The following DYNC2H1 variants were observed in gnomAD, a reference collection of about 807,000 sequenced individuals.
DYNC2H1 encodes the protein dynein cytoplasmic 2 heavy chain 1, also known as cytoplasmic dynein 2 heavy chain 1.
A neutral mutation model predicts 570.0 loss-of-function variants in DYNC2H1; 410 were observed. The observed-to-expected ratio is 0.72, with a 90% CI of 0.66 to 0.78. DYNC2H1 has a LOEUF of 0.78. DYNC2H1 is among the 30% of genes least tolerant of loss of function. The probability of loss-of-function intolerance (pLI) is 0.00; values close to 1 mark genes in which losing one functional copy is unlikely to be tolerated. For missense variants in DYNC2H1, 4,865 were observed against 5,046.4 expected (o/e 0.96, Z 1.09); for synonymous variants, 1,688 against 1,677.6 (o/e 1.01, Z -0.15).
At chr11:103,294,654 C>A (rs1474779721) in intron 75 of DYNC2H1, among the ~76,000 whole-genome samples, 1 of 152,186 alleles carries the variant, frequency 6.6e-6, no homozygotes, top group Non-Finnish European at 1.5e-5. Flanking sequence ...GCAGCTGGCA[C>A]CATGCTGAGT....
intron 75 of DYNC2H1, among the ~76,000 whole-genome samples, chr11:103,300,341 G>C (rs1398297301): frequency 3.9e-5 from 6 of 152,004 alleles, no homozygotes; most frequent in African/African-American, 1.4e-4. Flanking sequence ...AGAATATAAA[G>C]TTCCAGTGAT....
In DYNC2H1 at chr11:103,371,927, G is replaced by GTTTTTTTTTT. The variant is rs60335910; in HGVS notation, c.12156+13584_12156+13593dup. On this transcript the variant is annotated intron_variant, in intron 83 of 88. Transcript: ENST00000375735. ...TTTGGTTTCTTCCTTTCCCATTTGG[G>GTTTTTTTTTT]TTTTTTTTTTTTTTTTTTTTTTTTT... Among the ~76,000 whole-genome samples, 36 of 67,894 alleles carry GTTTTTTTTTT rather than the reference G, an allele frequency of 5.3e-4. 1 individual carries two copies. The highest frequency in any genetic ancestry group is 1.5e-3 in the East Asian group (3 of 2,018). 44.5% of individuals were successfully genotyped at this position (67,894 alleles called of 152,430 possible).
Position 103,203,673 on chromosome 11 carries a change from TG to T in DYNC2H1, c.8210del (p.Gly2737AspfsTer8). The T allele has an allele frequency of 6.2e-7, 1 of 1,602,390 alleles. No individual in the cohort carries two copies. Among genetic ancestry groups the T allele is most frequent in the Non-Finnish European group, 8.5e-7 (1 of 1,175,366 alleles). ...AATATTTTTCTGTAGGTGAAGTTCC[TG>T]GACTCTATACTCTTGAAGAATTAGA... ...NSLLSSGEVP[G>X]LYTLEELEPL... On this transcript the variant is annotated frameshift_variant, in exon 51 of 89. Coordinates refer to ENST00000375735, the MANE Select transcript of DYNC2H1 (RefSeq NM_001377.3). LOFTEE classifies it high-confidence loss of function. This position sits in a 1 kb window ranked among gnomAD's most constrained non-coding sequence, Gnocchi z 4.7.
rs1296468304 is a variant in DYNC2H1, at chr11:103,205,986, C to T, written c.8454+1022C>T. ...GCTTTCGAACAGAAATATTCTGACT[C>T]ATTTTTTAATGGGATTACTGTAGTT... On this transcript the variant is annotated intron_variant, in intron 52 of 88. Coordinates refer to ENST00000375735, the MANE Select transcript of DYNC2H1 (RefSeq NM_001377.3). The surrounding 1 kb of genome is among the most constrained non-coding windows in gnomAD (Gnocchi z 4.5). Among the ~76,000 whole-genome samples the T allele has an allele frequency of 1.3e-5, 2 of 152,048 alleles. No individual in the cohort carries two copies. Among genetic ancestry groups the T allele is most frequent in the East Asian group, 1.9e-4 (1 of 5,188 alleles).
intron 75 of DYNC2H1, among the ~76,000 whole-genome samples, chr11:103,300,613 A>AT (rs761735011): frequency 1.3e-5 from 2 of 151,980 alleles, no homozygotes; most frequent in African/African-American, 2.4e-5. Flanking sequence ...GGTATTTTTC[A>AT]TGATTTTTTT....
At chr11:103,178,796 C>G (rs1187693879) in intron 38 of DYNC2H1, among the ~76,000 whole-genome samples, 2 of 151,834 alleles carry the variant, frequency 1.3e-5, no homozygotes, top group African/African-American at 4.8e-5. Flanking sequence ...AATACCTAAG[C>G]CTTGCATTTT....
chr11:103,444,739 C>A (rs1361059135), intron 85 of DYNC2H1, among the ~76,000 whole-genome samples: 1 of 151,998 alleles, frequency 6.6e-6, no homozygotes, highest in African/African-American at 2.4e-5. Flanking sequence ...AGAGAGCAAA[C>A]CTTAAAATGT....
At chr11:103,130,228 C>T (rs574185415) in intron 13 of DYNC2H1, among the ~76,000 whole-genome samples, 3 of 152,184 alleles carry the variant, frequency 2.0e-5, no homozygotes, top group African/African-American at 7.2e-5. Context: ...TTCCAAACTC[C>T]CAGAAGGAAA....
chr11:103,327,859 A>G (rs564665414), intron 82 of DYNC2H1, among the ~76,000 whole-genome samples: 3 of 152,332 alleles, frequency 2.0e-5, no homozygotes, highest in African/African-American at 7.2e-5. Flanking sequence ...ACAAAAGTCC[A>G]GTGCTTGTAT....
intron 78 of DYNC2H1, among the ~76,000 whole-genome samples, chr11:103,308,163 G>T (rs1591553595): frequency 6.6e-6 from 1 of 152,224 alleles, no homozygotes; most frequent in East Asian, 1.9e-4. Context: ...GAAACTCTAT[G>T]ACCATTGAAG....
chr11:103,366,639 T>C (rs313377), intron 83 of DYNC2H1, among the ~76,000 whole-genome samples: 90,323 of 151,942 alleles, frequency 0.59, 28,258 homozygotes, highest in East Asian at 0.7. Flanking sequence ...CCAGATCTGC[T>C]GCTTACAGAT....
intron 17 of DYNC2H1, among the ~76,000 whole-genome samples, chr11:103,137,549 T>A (rs1277848361): frequency 3.9e-5 from 6 of 152,230 alleles, no homozygotes; most frequent in Non-Finnish European, 8.8e-5. Flanking sequence ...ATAAGTGGCC[T>A]TATTTCTGAG....
In DYNC2H1 at chr11:103,163,014, A is replaced by G. The variant is rs762664027; in HGVS notation, c.4492-14A>G. On this transcript the variant is annotated splice_polypyrimidine_tract_variant and intron_variant, in intron 29 of 88. Transcript: ENST00000375735. This position sits in a 1 kb window ranked among gnomAD's most constrained non-coding sequence, Gnocchi z 4.6. ...TTATGTCTTGTTTATATTATTTTCC[A>G]ATTTCTTTTTCAGACATGGTTGAAT... The G allele has an allele frequency of 6.2e-7, 1 of 1,603,548 alleles. No homozygotes were observed. The highest frequency in any genetic ancestry group is 8.5e-7 in the Non-Finnish European group (1 of 1,174,044).
At chr11:103,208,385 T>C (rs1407292014) in intron 52 of DYNC2H1, among the ~76,000 whole-genome samples, 3 of 152,126 alleles carry the variant, frequency 2.0e-5, no homozygotes, top group Non-Finnish European at 4.4e-5. Context: ...CCTGATAATA[T>C]GAAAACTGAA....
chr11:103,408,874 G>A (rs569156648), intron 84 of DYNC2H1, among the ~76,000 whole-genome samples: 1 of 152,098 alleles, frequency 6.6e-6, no homozygotes, highest in Middle Eastern at 3.4e-3. Context: ...TTAATGCAAT[G>A]GTAATGGGTT....
intron 84 of DYNC2H1, chr11:103,407,909 G>A (rs920604035): frequency 2.6e-5 from 4 of 151,880 alleles, no homozygotes; most frequent in Non-Finnish European, 5.9e-5. Flanking sequence ...AGTTAAATGA[G>A]CCACTTATCA....
At chr11:103,237,581 G>A (rs1864268608) in intron 63 of DYNC2H1, among the ~76,000 whole-genome samples, 1 of 151,332 alleles carries the variant, frequency 6.6e-6, no homozygotes, top group Non-Finnish European at 1.5e-5. Context: ...TTTCACAATG[G>A]AATCACAAAT....
Position 103,479,088 on chromosome 11 carries a change from T to C in DYNC2H1, c.12766-7T>C. The C allele has an allele frequency of 1.9e-6, 3 of 1,613,486 alleles. No homozygotes were observed. The highest frequency in any genetic ancestry group is 2.5e-6 in the Non-Finnish European group (3 of 1,179,594). The stretch of plus-strand genomic sequence containing the variant: ...CTTTATTTTAAAACAAGTTATTTTT[T>C]AAACAGGATGCATGTGGTCCATATT... On this transcript the variant is annotated splice_region_variant and splice_polypyrimidine_tract_variant and intron_variant, in intron 88 of 88. Transcript: ENST00000375735.
chr11:103,303,326 G>A (rs1417465909), intron 76 of DYNC2H1, 73 bp downstream of exon 76: 7 of 1,508,846 alleles, frequency 4.6e-6, no homozygotes, highest in Non-Finnish European at 4.5e-6. Context: ...TGGTCAAATG[G>A]ACATTTTTTG....
Sources: gnomAD v4.1 joint callset for allele counts (sites outside exome capture counted in the v4.1 genomes callset) on GRCh38, gnomAD v4.1.1 for gene constraint, Gnocchi (gnomAD v3.1) non-coding constraint, MANE v1.5 for transcripts, NCBI Gene and HGNC (gene_info 2026-07-23, HGNC 2026-07-21) for gene names.